AFF2: variants seen among roughly 807,000 people sequenced by gnomAD.
AFF2 encodes the protein AF4/FMR2 family member 2.
AFF2 carries 14 observed loss-of-function variants against 76.9 expected under a neutral mutation model. That is an observed-to-expected ratio of 0.18 (90% CI 0.12 to 0.28). The LOEUF is 0.28. Ranked by LOEUF, AFF2 falls within the 10% of genes least tolerant of loss-of-function variation. AFF2 has a pLI of 1.00. For missense variants in AFF2, 868 were observed against 1,001.1 expected (o/e 0.87, Z 1.79); for synonymous variants, 398 against 366.7 (o/e 1.09, Z -0.98).
At position 148,966,832 on chromosome X, in the gene AFF2, G is replaced by A; in HGVS notation, c.2956G>A (p.Val986Ile). The A allele has an allele frequency of 8.3e-7, 1 of 1,211,292 alleles. No individual in the cohort carries two copies. The highest frequency in any genetic ancestry group is 1.1e-6 in the Non-Finnish European group (1 of 895,423). ...PKKASSATIT[V>I]TNTAIATATV... ...AAAGGCATCCTCTGCCACCATCACT[G>A]TCACCAATACTGCTATTGCCACTGC... The change falls in exon 14 of 21, where the codon GTC becomes ATC. Residue 986 changes from valine (V) to isoleucine (I), a missense_variant. By Grantham distance (29) the Val-to-Ile change is conservative. Around this residue, in one of 6 missense-constraint regions of AFF2, gnomAD observed 532 missense variants for 564.2 expected, o/e 0.94. Transcript: ENST00000370460.
chrX:148,788,646 G>A (rs1441343111), intron 3 of AFF2, among the ~76,000 whole-genome samples: 1 of 111,787 alleles, frequency 8.9e-6, no homozygotes, highest in Non-Finnish European at 1.9e-5. Context: ...TGCTTCGCAT[G>A]GTAATGAGGC....
intron 1 of AFF2, among the ~76,000 whole-genome samples, chrX:148,592,386 TAGA>T (rs1175125787): frequency 9.0e-6 from 1 of 110,505 alleles, no homozygotes; most frequent in Non-Finnish European, 1.9e-5. Context: ...ATTTATCCCT[TAGA>T]AGATTATTTT....
At chrX:148,735,504 CT>C (rs1404117240) in intron 3 of AFF2, among the ~76,000 whole-genome samples, 1 of 111,997 alleles carries the variant, frequency 8.9e-6, no homozygotes, top group African/African-American at 3.2e-5. Context: ...GTACCTCCAT[CT>C]TTTTTCCTGC....
At chrX:148,507,485 A>G (rs2052432809) in intron 1 of AFF2, among the ~76,000 whole-genome samples, 1 of 111,833 alleles carries the variant, frequency 8.9e-6, no homozygotes, top group Non-Finnish European at 1.9e-5. Flanking sequence ...TGTAACAAAA[A>G]TCTGAGGAAA....
At chrX:148,530,442 G>A (rs1240642685) in intron 1 of AFF2, among the ~76,000 whole-genome samples, 1 of 111,884 alleles carries the variant, frequency 8.9e-6, no homozygotes, top group African/African-American at 3.3e-5. Flanking sequence ...TCCAAGTTAG[G>A]TGACTTGGCA....
intron 3 of AFF2, among the ~76,000 whole-genome samples, chrX:148,734,008 G>A (rs1048633491): frequency 6.2e-5 from 7 of 112,368 alleles, no homozygotes; most frequent in African/African-American, 1.9e-4. Flanking sequence ...AAACATAGTG[G>A]TGAGGGACCA....
At chrX:148,958,521 A>C (rs1448364826) in intron 12 of AFF2, 63 bp downstream of exon 12, 13 of 1,148,743 alleles carry the variant, frequency 1.1e-5, no homozygotes, top group Non-Finnish European at 1.4e-5. Flanking sequence ...AAGAAATCCT[A>C]ATTGAACCTG....
intron 1 of AFF2, among the ~76,000 whole-genome samples, chrX:148,523,114 A>G: frequency 8.9e-6 from 1 of 112,393 alleles, no homozygotes. Flanking sequence ...CATTAAGAGG[A>G]AAGTGAGATA....
chrX:148,962,844 C>T lies in AFF2; in HGVS notation c.2820C>T (p.Asp940=), dbSNP rs1459365033. The T allele has an allele frequency of 2.5e-6, 3 of 1,208,830 alleles. No homozygotes were observed. Among genetic ancestry groups the T allele is most frequent in the Non-Finnish European group, 3.4e-6 (3 of 893,984 alleles). ...GCAATAATGGTCCCTTTGGTCAAGA[C>T]AAAAACATCGCCATGACTGGACAAA... ...VSGNNGPFGQ[D]KNIAMTGQIT... is the part of the protein sequence containing the mutation. The change falls in exon 13 of 21, where the codon GAC becomes GAT. Residue 940 remains aspartate, a synonymous_variant. Coordinates refer to ENST00000370460, the MANE Select transcript of AFF2 (RefSeq NM_002025.4).
intron 1 of AFF2, among the ~76,000 whole-genome samples, chrX:148,524,117 CTCTCTCTG>C (rs1209560070): frequency 2.6e-5 from 2 of 78,317 alleles, no homozygotes; most frequent in African/African-American, 4.9e-5. Flanking sequence ...CTCTCTCTCT[CTCTCTCTG>C]TGTGTGTGTG....
chrX:148,967,256 G>T (rs187968220), intron 14 of AFF2, among the ~76,000 whole-genome samples, 177 bp downstream of exon 14: 61 of 111,082 alleles, frequency 5.5e-4, no homozygotes, highest in African/African-American at 1.9e-3. Flanking sequence ...TCCCCACCAA[G>T]AAATGTTTTT....
chrX:148,642,781 A>T (rs2054103536), intron 1 of AFF2, among the ~76,000 whole-genome samples: 1 of 112,275 alleles, frequency 8.9e-6, no homozygotes, highest in African/African-American at 3.2e-5. Flanking sequence ...GTGAAGGAAG[A>T]GGAAAAGGAA....
intron 3 of AFF2, among the ~76,000 whole-genome samples, chrX:148,703,644 C>G (rs1391773718): frequency 9.0e-6 from 1 of 111,498 alleles, no homozygotes; most frequent in African/African-American, 3.3e-5. Flanking sequence ...ATGGTTGATT[C>G]TAAGGTAATA....
intron 3 of AFF2, among the ~76,000 whole-genome samples, chrX:148,788,253 G>T (rs782489519): frequency 1.8e-5 from 2 of 111,848 alleles, no homozygotes; most frequent in East Asian, 5.6e-4. Flanking sequence ...GCTGCAATTG[G>T]TTTCATACTA....
intron 1 of AFF2, among the ~76,000 whole-genome samples, chrX:148,577,396 G>A (rs1443673345): frequency 9.8e-5 from 11 of 112,115 alleles, no homozygotes; most frequent in African/African-American, 3.2e-4. Context: ...ATAACTGGAA[G>A]TTATTTATAG....
At position 148,995,381 on chromosome X, in the gene AFF2, C is replaced by A. The variant is rs1557292930; in HGVS notation, c.*4049C>A. On this transcript the variant is annotated 3_prime_UTR_variant, in exon 21 of 21. Transcript: ENST00000370460. Reference sequence around the variant, plus strand: ...TTAATTCTCTTTCCATCCTCCTCCTCAGAAATATAGAAGCCCTCTTTACCA... The same window carrying A: ...TTAATTCTCTTTCCATCCTCCTCCTAAGAAATATAGAAGCCCTCTTTACCA... 1 of 107,547 alleles carries A rather than the reference C, an allele frequency of 9.3e-6. No homozygotes were observed. The highest frequency in any genetic ancestry group is 3.4e-5 in the African/African-American group (1 of 29,371). 8.9% of individuals were successfully genotyped at this position (107,547 alleles called of 1,213,427 possible). A position where few individuals can be genotyped will look rare whatever the true frequency, so the allele number is the denominator to read the frequency against.
intron 3 of AFF2, among the ~76,000 whole-genome samples, chrX:148,794,287 T>A (rs188414279): frequency 1.2e-3 from 131 of 112,391 alleles, no homozygotes; most frequent in African/African-American, 4.1e-3. Context: ...ATGGCTCCAG[T>A]AAGCTCATTT....
At chrX:148,501,653 G>C in intron 1 of AFF2, among the ~76,000 whole-genome samples, 1 of 113,433 alleles carries the variant, frequency 8.8e-6, no homozygotes, top group East Asian at 2.8e-4. Flanking sequence ...GCTGCGCGGC[G>C]CGCACACCTT....
intron 9 of AFF2, among the ~76,000 whole-genome samples, chrX:148,935,497 C>T (rs1435540517): frequency 2.7e-5 from 3 of 111,119 alleles, no homozygotes; most frequent in African/African-American, 9.8e-5. Flanking sequence ...ATATCAGTAG[C>T]TCATTTTCAG....
Sources: gnomAD v4.1 joint callset for allele counts (sites outside exome capture counted in the v4.1 genomes callset) on GRCh38, gnomAD v4.1.1 for gene constraint, gnomAD v4.1.1 regional missense constraint, MANE v1.5 for transcripts, NCBI Gene and HGNC (gene_info 2026-07-23, HGNC 2026-07-21) for gene names.